The following SV2B variants were observed in gnomAD, a reference collection of about 807,000 sequenced individuals.
SV2B encodes synaptic vesicle glycoprotein 2B.
A neutral mutation model predicts 73.9 loss-of-function variants in SV2B; 41 were observed. The observed-to-expected ratio is 0.56, with a 90% CI of 0.43 to 0.72. The LOEUF (loss-of-function observed/expected upper bound fraction) is 0.72. SV2B is among the 30% of genes least tolerant of loss of function. The pLI is 0.00. For missense variants in SV2B, 764 were observed against 857.8 expected, an observed-to-expected ratio of 0.89 and a Z score of 1.37; for synonymous variants, 314 against 314.2, an observed-to-expected ratio of 1.00 and a Z score of 0.01.
chr15:91,163,847 G>A (rs2043814935), intron 1 of SV2B, among the ~76,000 whole-genome samples: 1 of 152,198 alleles, frequency 6.6e-6, no homozygotes, highest in African/African-American at 2.4e-5. Flanking sequence ...CCATACCTAT[G>A]TCCTGAATGG....
intron 1 of SV2B, among the ~76,000 whole-genome samples, chr15:91,215,203 C>G (rs545585395): frequency 6.6e-6 from 1 of 152,232 alleles, no homozygotes; most frequent in Non-Finnish European, 1.5e-5. Flanking sequence ...AGCTAATTAA[C>G]TCTCTGAAGG....
At chr15:91,154,547 G>T (rs538116132) in intron 1 of SV2B, among the ~76,000 whole-genome samples, 2 of 152,292 alleles carry the variant, frequency 1.3e-5, no homozygotes, top group South Asian at 4.2e-4. Context: ...TCCTGCTGTG[G>T]GATGAATATG....
chr15:91,196,447 A>G (rs1033778580), intron 1 of SV2B, among the ~76,000 whole-genome samples: 2 of 152,220 alleles, frequency 1.3e-5, no homozygotes, highest in Non-Finnish European at 2.9e-5. Context: ...TCTGAATTAG[A>G]TTTTATAGGC....
chr15:91,301,955 C>A lies in SV2B; in HGVS notation c.*9403C>A, dbSNP rs1282808862. Among the ~76,000 whole-genome samples the A allele has an allele frequency of 6.6e-6, 1 of 152,196 alleles. No individual in the cohort carries two copies. Among genetic ancestry groups the A allele is most frequent in the Non-Finnish European group, 1.5e-5 (1 of 68,040 alleles). Reference sequence around the variant, plus strand: ...AGAGCCAAGTTCTGAATGCTCATCACCTGGCATATAGTATGGTATAATCAC... The same window carrying A: ...AGAGCCAAGTTCTGAATGCTCATCAACTGGCATATAGTATGGTATAATCAC... On this transcript the variant is annotated 3_prime_UTR_variant, in exon 13 of 13. Coordinates refer to ENST00000394232, the MANE Select transcript of SV2B (RefSeq NM_001323032.3). This position sits in a 1 kb window ranked among gnomAD's most constrained non-coding sequence, Gnocchi z 4.3.
At chr15:91,176,667 C>T (rs894345464) in intron 1 of SV2B, among the ~76,000 whole-genome samples, 3 of 151,612 alleles carry the variant, frequency 2.0e-5, no homozygotes, top group East Asian at 3.9e-4. Flanking sequence ...TTTCATGTGT[C>T]TTTTGGCTGC....
At chr15:91,143,128 G>GAGGTATTAATTA (rs2043045257) in intron 1 of SV2B, among the ~76,000 whole-genome samples, 1 of 152,190 alleles carries the variant, frequency 6.6e-6, no homozygotes, top group African/African-American at 2.4e-5. Flanking sequence ...ACTCTCATGG[G>GAGGTATTAATTA]AGGTATTAAT....
chr15:91,279,498 C>A (rs1240046408), intron 9 of SV2B, among the ~76,000 whole-genome samples: 1 of 152,218 alleles, frequency 6.6e-6, no homozygotes, highest in African/African-American at 2.4e-5. Context: ...CTTGGGTAGG[C>A]CAATTCAGTA....
chr15:91,203,483 A>C (rs1259893603), intron 1 of SV2B, among the ~76,000 whole-genome samples: 2 of 152,268 alleles, frequency 1.3e-5, no homozygotes, highest in African/African-American at 4.8e-5. Flanking sequence ...AATGCAAATA[A>C]CTGTAAAAGT....
rs915891290 is a variant in SV2B at position 91,258,695 on chromosome 15, C to G, written c.918+141C>G. The stretch of plus-strand genomic sequence containing the variant: ...TCTCCCCTGGTCGGCTGACCTCACT[C>G]ATCATTGAATCTGGCACCTGCCGGC... On this transcript the variant is annotated intron_variant, in intron 5 of 12. Transcript: ENST00000394232. This position sits in a 1 kb window ranked among gnomAD's most constrained non-coding sequence, Gnocchi z 4.7. 1 of 1,246,964 alleles carries G rather than the reference C, an allele frequency of 8.0e-7. No homozygotes were observed. The highest frequency in any genetic ancestry group is 1.1e-6 in the Non-Finnish European group (1 of 915,956). The allele number at this position is 1,246,964 out of a possible 1,614,324, so 77.2% of individuals were successfully genotyped here.
intron 2 of SV2B, among the ~76,000 whole-genome samples, chr15:91,235,364 G>A (rs1157593048): frequency 6.6e-6 from 1 of 152,088 alleles, no homozygotes; most frequent in African/African-American, 2.4e-5. Context: ...AATACAGTCG[G>A]TGAATTCATA....
rs989697504 is a variant in SV2B, at chr15:91,280,453, A to G, written c.1374-1275A>G. 4.6e-5 allele frequency among the ~76,000 whole-genome samples: 7 copies of G among 152,350 alleles called. No individual in the cohort carries two copies. The highest frequency in any genetic ancestry group is 6.8e-3 in the Middle Eastern group (2 of 294). On this transcript the variant is annotated intron_variant, in intron 9 of 12. Transcript: ENST00000394232. The surrounding 1 kb of genome is among the most constrained non-coding windows in gnomAD (Gnocchi z 5.8). Reference sequence around the variant, plus strand: ...CTCTATACTCATAGCACCTAGTACCATGCTCAGTGTTTGCAGAAGACTAAA... The same window carrying G: ...CTCTATACTCATAGCACCTAGTACCGTGCTCAGTGTTTGCAGAAGACTAAA...
Position 91,199,411 on chromosome 15 carries a change from G to A in SV2B, c.-391-26462G>A, listed in dbSNP as rs1413651481. Among the ~76,000 whole-genome samples the A allele has an allele frequency of 2.0e-5, 3 of 152,194 alleles. 1 individual carries two copies. The highest frequency in any genetic ancestry group is 2.0e-4 in the Admixed American group (3 of 15,286). The stretch of plus-strand genomic sequence containing the variant: ...CCAGAATCTTGGTGGTGATAATGGG[G>A]GGACAGGTGGCAAACAACACGAGGT... On this transcript the variant is annotated intron_variant, in intron 1 of 12. Transcript: ENST00000394232.
rs1395570363 is a variant in SV2B at position 91,292,801 on chromosome 15, C to G, written c.*249C>G. On this transcript the variant is annotated 3_prime_UTR_variant, in exon 13 of 13. Coordinates refer to ENST00000394232, the MANE Select transcript of SV2B (RefSeq NM_001323032.3). ...TGTTTAACTTCAAGTCTTCCCAGTC[C>G]AAGGCAGGGAGAGGATTCTCCAGTG... 1 of 403,036 alleles carries G rather than the reference C, an allele frequency of 2.5e-6. No homozygotes were observed. Among genetic ancestry groups the G allele is most frequent in the Non-Finnish European group, 4.4e-6 (1 of 227,534 alleles). The allele number at this position is 403,036 out of a possible 1,614,324, so 25.0% of individuals were successfully genotyped here. A position where few individuals can be genotyped will look rare whatever the true frequency, so the allele number is the denominator to read the frequency against.
chr15:91,272,822 A>G (rs927830195), intron 9 of SV2B, among the ~76,000 whole-genome samples: 1 of 137,024 alleles, frequency 7.3e-6, no homozygotes, highest in African/African-American at 2.8e-5. Context: ...AAATGAGCAT[A>G]TTCGTCTTTT....
chr15:91,178,572 C>T (rs1390038531), intron 1 of SV2B, among the ~76,000 whole-genome samples: 1 of 152,120 alleles, frequency 6.6e-6, no homozygotes, highest in Non-Finnish European at 1.5e-5. Flanking sequence ...ATTTCAGATC[C>T]TGTTATTGGT....
At chr15:91,180,179 T>C (rs542769526) in intron 1 of SV2B, among the ~76,000 whole-genome samples, 18 of 152,270 alleles carry the variant, frequency 1.2e-4, no homozygotes, top group Non-Finnish European at 2.1e-4. Flanking sequence ...ATATGAAATT[T>C]TGGGTTGAAA....
chr15:91,155,275 C>A (rs115250006), intron 1 of SV2B, among the ~76,000 whole-genome samples: 2 of 152,122 alleles, frequency 1.3e-5, no homozygotes, highest in African/African-American at 4.8e-5. Flanking sequence ...TCCTTTTCTG[C>A]AGAGTCAAGA....
At chr15:91,191,705 A>G (rs1314979838) in intron 1 of SV2B, among the ~76,000 whole-genome samples, 2 of 152,084 alleles carry the variant, frequency 1.3e-5, no homozygotes, top group Admixed American at 1.3e-4. Context: ...CTCCTGCATA[A>G]CCTCTCCATG....
intron 1 of SV2B, among the ~76,000 whole-genome samples, chr15:91,184,911 G>C (rs1596541005): frequency 6.6e-6 from 1 of 152,162 alleles, no homozygotes. Flanking sequence ...GTGTACTAAT[G>C]ATAGTATAAT....
Sources: allele counts gnomAD v4.1 joint callset (sites outside exome capture counted in the v4.1 genomes callset), GRCh38; gene constraint gnomAD v4.1.1; non-coding constraint Gnocchi (gnomAD v3.1); transcripts MANE v1.5; gene names NCBI Gene and HGNC (gene_info 2026-07-23, HGNC 2026-07-21).